Variants in TOP1 observed in about 807,000 individuals in gnomAD.
TOP1 encodes the protein DNA topoisomerase 1.
TOP1 carries 10 observed loss-of-function variants against 111.1 expected under a neutral mutation model. That is an observed-to-expected ratio of 0.09 (90% CI 0.06 to 0.15). The LOEUF is 0.15. Among genes scored for constraint, TOP1 ranks in the 10% least tolerant of loss-of-function variants. TOP1 has a pLI of 1.00. For missense variants in TOP1, 474 were observed against 926.7 expected (o/e 0.51, Z 6.34); for synonymous variants, 271 against 302.9 (o/e 0.89, Z 1.10).
Position 41,029,410 on chromosome 20 carries a change from T to C in TOP1, c.34-21T>C. 6.8e-7 allele frequency: 1 copy of C among 1,469,438 alleles called. No individual in the cohort carries two copies. The highest frequency in any genetic ancestry group is 9.0e-7 in the Non-Finnish European group (1 of 1,106,934). The allele number at this position is 1,469,438 out of a possible 1,614,324, so 91.0% of individuals were successfully genotyped here. On this transcript the variant is annotated intron_variant, in intron 1 of 20. Transcript: ENST00000361337. The surrounding 1 kb of genome is among the most constrained non-coding windows in gnomAD (Gnocchi z 6.1). The stretch of plus-strand genomic sequence containing the variant: ...GGTTAAAGTGGCTGTTGTTTGATAT[T>C]CTCTCCTTTTCTTTTTCCAGATCGA...
intron 3 of TOP1, among the ~76,000 whole-genome samples, chr20:41,063,154 T>C (rs562098884): frequency 6.6e-6 from 1 of 152,334 alleles, no homozygotes; most frequent in African/African-American, 2.4e-5. Flanking sequence ...GAGCACCCGA[T>C]GTTTAGCTCC....
At position 41,116,498 on chromosome 20, in the gene TOP1, T is replaced by TG; in HGVS notation, c.1822+108dup. 1.2e-6 allele frequency: 1 copy of TG among 811,882 alleles called. No individual in the cohort carries two copies. 50.3% of individuals were successfully genotyped at this position (811,882 alleles called of 1,614,324 possible). On this transcript the variant is annotated intron_variant, in intron 17 of 20. Coordinates refer to ENST00000361337, the MANE Select transcript of TOP1 (RefSeq NM_003286.4). The surrounding 1 kb of genome is among the most constrained non-coding windows in gnomAD (Gnocchi z 5.6). ...GTTCTACTTTTTTTCCCTACCATTG[T>TG]GGTCAGACACTTTTTCCCTTTAGAC...
intron 2 of TOP1, among the ~76,000 whole-genome samples, chr20:41,037,374 C>T (rs1337585485): frequency 2.0e-5 from 3 of 152,150 alleles, no homozygotes; most frequent in African/African-American, 7.2e-5. Context: ...CTTGTGTCAG[C>T]ATATTTTTTC....
intron 3 of TOP1, 106 bp from the exon 4 acceptor site, chr20:41,076,065 T>G (rs1357268229): frequency 2.5e-6 from 3 of 1,188,398 alleles, no homozygotes; most frequent in East Asian, 2.4e-5. Context: ...ACTGTTTGTT[T>G]AAGTACTGTA....
intron 3 of TOP1, among the ~76,000 whole-genome samples, chr20:41,065,786 A>G (rs907229074): frequency 6.6e-6 from 1 of 152,176 alleles, no homozygotes; most frequent in African/African-American, 2.4e-5. Context: ...CTGTAATCAC[A>G]TTTAAAAAAA....
At chr20:41,072,414 G>C (rs2033678480) in intron 3 of TOP1, 1 of 985,190 alleles carries the variant, frequency 1.0e-6, no homozygotes, top group Admixed American at 6.1e-5. Flanking sequence ...CATATCCTAA[G>C]CCTTTTGGAA....
In TOP1 at chr20:41,029,054, C is replaced by T. The variant is rs1479631244; in HGVS notation, c.-14C>T. 4 of 1,547,196 alleles carry T rather than the reference C, an allele frequency of 2.6e-6. No individual in the cohort carries two copies. The highest frequency in any genetic ancestry group is 2.6e-6 in the Non-Finnish European group (3 of 1,150,784). On this transcript the variant is annotated 5_prime_UTR_variant, in exon 1 of 21. Transcript: ENST00000361337. This position sits in a 1 kb window ranked among gnomAD's most constrained non-coding sequence, Gnocchi z 6.1. ...CCGCCTCGCCTGCCGCCGCGCTCGTCCCTCCGGGCCGACATGAGTGGGGAC... is the reference window on the plus strand; with the variant it reads ...CCGCCTCGCCTGCCGCCGCGCTCGTTCCTCCGGGCCGACATGAGTGGGGAC...
Position 41,102,723 on chromosome 20 carries a change from T to C in TOP1, c.1308+1370T>C, listed in dbSNP as rs753153482. Among the ~76,000 whole-genome samples, 6 of 152,178 alleles carry C rather than the reference T, an allele frequency of 3.9e-5. No individual in the cohort carries two copies. The highest frequency in any genetic ancestry group is 5.9e-5 in the Non-Finnish European group (4 of 68,020). On this transcript the variant is annotated intron_variant, in intron 13 of 20. Transcript: ENST00000361337. The surrounding 1 kb of genome is among the most constrained non-coding windows in gnomAD (Gnocchi z 4.0). ...AGCAGACTAGTCATTTAAAGAAACA[T>C]GTATTCCTCTTCTGAAGTATCGCAA...
intron 13 of TOP1, among the ~76,000 whole-genome samples, chr20:41,105,042 A>G (rs1285692786): frequency 6.6e-6 from 1 of 152,200 alleles, no homozygotes; most frequent in Non-Finnish European, 1.5e-5. Context: ...ATTATGTCTT[A>G]TGTGCTCAAT....
rs1005368670 is a variant in TOP1, at chr20:41,079,138, A to G, written c.336-947A>G. Among the ~76,000 whole-genome samples the G allele has an allele frequency of 1.3e-5, 2 of 152,180 alleles. No homozygotes were observed. The highest frequency in any genetic ancestry group is 4.8e-5 in the African/African-American group (2 of 41,446). Reference sequence around the variant, plus strand: ...TCTATCACAAGCAAGGGGACCCAGTATGCTTTTTTTGGTCGGAGGTACTCT... The same window carrying G: ...TCTATCACAAGCAAGGGGACCCAGTGTGCTTTTTTTGGTCGGAGGTACTCT... On this transcript the variant is annotated intron_variant, in intron 5 of 20. Transcript: ENST00000361337. The surrounding 1 kb of genome is among the most constrained non-coding windows in gnomAD (Gnocchi z 4.0).
rs2033497533 is a variant in TOP1, at chr20:41,058,163, G to T, written c.59-3231G>T. Among the ~76,000 whole-genome samples the T allele has an allele frequency of 6.6e-6, 1 of 152,138 alleles. No individual in the cohort carries two copies. The highest frequency in any genetic ancestry group is 1.5e-5 in the Non-Finnish European group (1 of 68,024). On this transcript the variant is annotated intron_variant, in intron 2 of 20. Coordinates refer to ENST00000361337, the MANE Select transcript of TOP1 (RefSeq NM_003286.4). The surrounding 1 kb of genome is among the most constrained non-coding windows in gnomAD (Gnocchi z 4.2). ...TCATGCAGATTTCTATTTTCCCAGG[G>T]CCTGACACAGAATAGATGCTCAGCA...
chr20:41,062,408 T>G (rs1403980079), intron 3 of TOP1, among the ~76,000 whole-genome samples: 1 of 152,242 alleles, frequency 6.6e-6, no homozygotes, highest in Admixed American at 6.5e-5. Context: ...TTTAATTTTC[T>G]CTATTGGGGA....
chr20:41,116,672 T>G lies in TOP1; in HGVS notation c.1822+280T>G, dbSNP rs1034270011. Among the ~76,000 whole-genome samples, 6 of 152,358 alleles carry G rather than the reference T, an allele frequency of 3.9e-5. No homozygotes were observed. The highest frequency in any genetic ancestry group is 1.4e-4 in the African/African-American group (6 of 41,584). On this transcript the variant is annotated intron_variant, in intron 17 of 20. Transcript: ENST00000361337. The surrounding 1 kb of genome is among the most constrained non-coding windows in gnomAD (Gnocchi z 5.6). Reference sequence around the variant, plus strand: ...CTGCATTTGTGTTTTATACATATATTACTTAAAAGCCCACAGAGTGAAGAC... The same window carrying G: ...CTGCATTTGTGTTTTATACATATATGACTTAAAAGCCCACAGAGTGAAGAC...
chr20:41,088,521 TAA>T (rs1491391494), intron 8 of TOP1, among the ~76,000 whole-genome samples: 1 of 151,704 alleles, frequency 6.6e-6, no homozygotes, highest in Non-Finnish European at 1.5e-5. Flanking sequence ...AATAAATAAA[TAA>T]AAACACTGTA....
intron 2 of TOP1, among the ~76,000 whole-genome samples, chr20:41,038,310 C>A (rs972173344): frequency 1.3e-5 from 2 of 152,132 alleles, no homozygotes; most frequent in African/African-American, 4.8e-5. Context: ...AGGTTTAATA[C>A]TTACCTTACA....
chr20:41,029,302 C>G lies in TOP1; in HGVS notation c.34-129C>G. 2 of 890,338 alleles carry G rather than the reference C, an allele frequency of 2.2e-6. No homozygotes were observed. Among genetic ancestry groups the G allele is most frequent in the Non-Finnish European group, 3.2e-6 (2 of 618,540 alleles). 55.2% of individuals were successfully genotyped at this position (890,338 alleles called of 1,614,324 possible). ...ACAGTTCGAGGCAGGGATGGCTGCC[C>G]TCTGTGGCCACCCCCGGGTCCCCGT... On this transcript the variant is annotated intron_variant, in intron 1 of 20. Coordinates refer to ENST00000361337, the MANE Select transcript of TOP1 (RefSeq NM_003286.4). This position sits in a 1 kb window ranked among gnomAD's most constrained non-coding sequence, Gnocchi z 6.1.
At chr20:41,040,603 T>G (rs564605359) in intron 2 of TOP1, among the ~76,000 whole-genome samples, 7 of 152,030 alleles carry the variant, frequency 4.6e-5, no homozygotes, top group Non-Finnish European at 5.9e-5. Context: ...GAAGTGCATT[T>G]ATTGGAAATT....
chr20:41,057,333 G>A (rs2033486311), intron 2 of TOP1, among the ~76,000 whole-genome samples: 1 of 151,086 alleles, frequency 6.6e-6, no homozygotes, highest in African/African-American at 2.4e-5. Context: ...AGTGAGCCGA[G>A]ATCACACCAC....
At position 41,098,443 on chromosome 20, in the gene TOP1, A is replaced by G; in HGVS notation, c.975+106A>G. On this transcript the variant is annotated intron_variant, in intron 11 of 20. Transcript: ENST00000361337. This position sits in a 1 kb window ranked among gnomAD's most constrained non-coding sequence, Gnocchi z 5.7. The stretch of plus-strand genomic sequence containing the variant: ...ACAACATTAACATCAGTAATTTCAC[A>G]TCATTCTATGCTAAAGACTTAGAGT... 8.0e-7 allele frequency: 1 copy of G among 1,254,300 alleles called. No homozygotes were observed. The highest frequency in any genetic ancestry group is 1.1e-6 in the Non-Finnish European group (1 of 895,876). The allele number at this position is 1,254,300 out of a possible 1,614,324, so 77.7% of individuals were successfully genotyped here. A position where few individuals can be genotyped will look rare whatever the true frequency, so the allele number is the denominator to read the frequency against.
Sources: allele counts gnomAD v4.1 joint callset (sites outside exome capture counted in the v4.1 genomes callset), GRCh38; gene constraint gnomAD v4.1.1; non-coding constraint Gnocchi (gnomAD v3.1); transcripts MANE v1.5; gene names NCBI Gene and HGNC (gene_info 2026-07-23, HGNC 2026-07-21).